SPEF2: variants seen among roughly 807,000 people sequenced by gnomAD.
The protein encoded by SPEF2 is sperm flagella and cilia-associated protein 2.
SPEF2 carries 187 observed loss-of-function variants against 224.6 expected under a neutral mutation model. The observed-to-expected ratio is 0.83, with a 90% confidence interval of 0.74 to 0.94. SPEF2 has a LOEUF of 0.94. SPEF2 is among the 40% of genes least tolerant of loss of function. The pLI is 0.00. For synonymous variants in SPEF2, 715 were observed against 707.3 expected, an observed-to-expected ratio of 1.01 and a Z score of -0.17; for missense variants, 2,170 against 2,135.6, an observed-to-expected ratio of 1.02 and a Z score of -0.32.
chr5:35,646,516 A>G, intron 4 of SPEF2, 151 bp from the exon 5 acceptor site: 1 of 607,466 alleles, frequency 1.6e-6, no homozygotes, highest in Non-Finnish European at 2.8e-6. Flanking sequence ...CTCCTTCTTA[A>G]TATTACACAG....
At chr5:35,674,483 C>T (rs1003217813) in intron 10 of SPEF2, among the ~76,000 whole-genome samples, 3 of 149,978 alleles carry the variant, frequency 2.0e-5, no homozygotes, top group African/African-American at 7.4e-5. Context: ...CCCATTAACT[C>T]GTCATTTAAC....
At chr5:35,794,644 A>C (rs531525228) in intron 32 of SPEF2, among the ~76,000 whole-genome samples, 1 of 152,202 alleles carries the variant, frequency 6.6e-6, no homozygotes, top group Non-Finnish European at 1.5e-5. Flanking sequence ...CACTCGTGAA[A>C]TTACTGACCT....
chr5:35,699,169 T>C (rs1481784710), intron 15 of SPEF2: 2 of 152,186 alleles, frequency 1.3e-5, no homozygotes, highest in Non-Finnish European at 2.9e-5. Context: ...CCCTCCTTCC[T>C]TGTTACACTA....
At chr5:35,626,002 G>A (rs558675350) in intron 1 of SPEF2, among the ~76,000 whole-genome samples, 7 of 152,304 alleles carry the variant, frequency 4.6e-5, no homozygotes, top group Admixed American at 4.6e-4. Context: ...AGCATCGAAA[G>A]GCATTATGAT....
At chr5:35,650,920 G>C (rs1748104714) in intron 6 of SPEF2, among the ~76,000 whole-genome samples, 1 of 151,562 alleles carries the variant, frequency 6.6e-6, no homozygotes. Flanking sequence ...GCAGCCCATA[G>C]TGTATGCTGT....
Position 35,646,680 on chromosome 5 carries a change from GA to G in SPEF2, c.601del (p.Arg201AspfsTer6). On this transcript the variant is annotated frameshift_variant, in exon 5 of 37. Transcript: ENST00000356031. LOFTEE classifies it high-confidence loss of function. Reference protein sequence around the residue: ...CFDIEKQYLNRRRQNEIMAKI... With the variant: ...CFDIEKQYLNXRRQNEIMAKI... ...TGGGATATTCAGCAATACTTAAACAGAAGACGACAAAATGAAATAATGGCCA... is the reference window on the plus strand; with the variant it reads ...TGGGATATTCAGCAATACTTAAACAGAGACGACAAAATGAAATAATGGCCA... The G allele has an allele frequency of 1.9e-6, 3 of 1,613,488 alleles. No homozygotes were observed. The highest frequency in any genetic ancestry group is 2.5e-6 in the Non-Finnish European group (3 of 1,179,720).
intron 3 of SPEF2, among the ~76,000 whole-genome samples, chr5:35,642,423 T>C (rs1746734548): frequency 6.6e-6 from 1 of 152,180 alleles, no homozygotes; most frequent in South Asian, 2.1e-4. Flanking sequence ...GTTCTTCCTT[T>C]GGAACTCTAG....
rs765612619 is a variant in SPEF2, at chr5:35,763,570, C to A, written c.3669C>A (p.Pro1223=). 6.2e-7 allele frequency: 1 copy of A among 1,612,660 alleles called. No individual in the cohort carries two copies. The highest frequency in any genetic ancestry group is 1.3e-5 in the African/African-American group (1 of 74,838). ...CCATTTCTCTGGAAACAGTTACACCCAAACCAAAAACAAAATCAGTACTGA... is the reference window on the plus strand; with the variant it reads ...CCATTTCTCTGGAAACAGTTACACCAAAACCAAAAACAAAATCAGTACTGA... ...RISISLETVT[P]KPKTKSVLKG... The change falls in exon 26 of 37, where the codon CCC becomes CCA. Residue 1223 remains proline, a synonymous_variant. Coordinates refer to ENST00000356031, the MANE Select transcript of SPEF2 (RefSeq NM_024867.4).
At chr5:35,730,156 A>C (rs1375323529) in intron 21 of SPEF2, among the ~76,000 whole-genome samples, 1 of 152,148 alleles carries the variant, frequency 6.6e-6, no homozygotes, top group Non-Finnish European at 1.5e-5. Flanking sequence ...CAACAGACAA[A>C]TGATGGGAGA....
chr5:35,695,733 A>G lies in SPEF2; in HGVS notation c.1976-2A>G. On this transcript the variant is annotated splice_acceptor_variant, in intron 13 of 36. Coordinates refer to ENST00000356031, the MANE Select transcript of SPEF2 (RefSeq NM_024867.4). LOFTEE classifies it high-confidence loss of function. ...TGTTCTTACCACTTTTCCTATTGCT[A>G]GGTGCTAATGCTGATAAAACACCAA... is the stretch of plus-strand genomic sequence containing the variant. The G allele has an allele frequency of 6.2e-7, 1 of 1,606,952 alleles. No individual in the cohort carries two copies. Among genetic ancestry groups the G allele is most frequent in the Non-Finnish European group, 8.5e-7 (1 of 1,176,818 alleles).
chr5:35,636,986 A>G (rs1237185567), intron 2 of SPEF2, among the ~76,000 whole-genome samples: 2 of 151,584 alleles, frequency 1.3e-5, no homozygotes, highest in Non-Finnish European at 2.9e-5. Context: ...AAAAAAAAAA[A>G]AAAAAGAAAA....
At chr5:35,784,193 T>C (rs1212038458) in intron 30 of SPEF2, among the ~76,000 whole-genome samples, 1 of 151,526 alleles carries the variant, frequency 6.6e-6, no homozygotes, top group Non-Finnish European at 1.5e-5. Context: ...AGTGGCACGA[T>C]CTTTGCTCAC....
chr5:35,643,405 T>C, intron 3 of SPEF2: 1 of 447,066 alleles, frequency 2.2e-6, no homozygotes, highest in South Asian at 1.6e-5. Flanking sequence ...AGGAAGAGGG[T>C]AACATAGATT....
chr5:35,795,928 A>G, intron 33 of SPEF2, 133 bp downstream of exon 33: 1 of 776,898 alleles, frequency 1.3e-6, no homozygotes, highest in Non-Finnish European at 2.1e-6. Context: ...TCCAAAGTGC[A>G]GACCTTAAGT....
chr5:35,781,529 A>G (rs1754335762), intron 30 of SPEF2: 1 of 152,182 alleles, frequency 6.6e-6, no homozygotes, highest in Non-Finnish European at 1.5e-5. Flanking sequence ...TCTTTCTCCA[A>G]CTGCATGAAC....
intron 12 of SPEF2, among the ~76,000 whole-genome samples, chr5:35,693,605 A>C (rs1309171349): frequency 6.6e-6 from 1 of 152,140 alleles, no homozygotes; most frequent in African/African-American, 2.4e-5. Context: ...CACACAGTAA[A>C]GACCCTAAGC....
Position 35,806,930 on chromosome 5 carries a change from A to G in SPEF2, c.5234A>G (p.Lys1745Arg). Residue 1745 changes from lysine (K) to arginine (R), a missense_variant, in exon 35 of 37, where the codon AAG (lysine) becomes AGG (arginine). Physicochemically the swap from Lys to Arg is conservative, Grantham distance 26. Transcript: ENST00000356031. ...TCCAATAGATTTGCCAGCCACCTAA[A>G]GATAGAGAACATTTATGCAGAGGTT... ...QDSNRFASHL[K>R]IENIYAEGFI... is the part of the protein sequence containing the mutation. The G allele has an allele frequency of 6.2e-7, 1 of 1,610,052 alleles. No homozygotes were observed. Among genetic ancestry groups the G allele is most frequent in the Non-Finnish European group, 8.5e-7 (1 of 1,178,698 alleles).
chr5:35,778,311 AG>A (rs549872986), intron 29 of SPEF2, among the ~76,000 whole-genome samples: 337 of 152,318 alleles, frequency 2.2e-3, no homozygotes, highest in Admixed American at 5.6e-3. Context: ...CTATACCCCC[AG>A]TACAGTTTAA....
chr5:35,670,537 T>G (rs1485980100), intron 10 of SPEF2: 2 of 1,019,348 alleles, frequency 2.0e-6, no homozygotes, highest in Non-Finnish European at 2.3e-6. Context: ...TTTCTTTGTA[T>G]GGGCTGTGTA....
Sources: gnomAD v4.1 joint callset for allele counts (sites outside exome capture counted in the v4.1 genomes callset) on GRCh38, gnomAD v4.1.1 for gene constraint, MANE v1.5 for transcripts, NCBI Gene and HGNC (gene_info 2026-07-23, HGNC 2026-07-21) for gene names.